SRRM4: variants seen among roughly 807,000 people sequenced by gnomAD.
SRRM4 encodes serine/arginine repetitive matrix protein 4.
In SRRM4, 33 loss-of-function variants were observed where a neutral mutation model predicts 68.9. The ratio of observed to expected loss-of-function variants is 0.48; its 90% CI spans 0.36 to 0.64. The LOEUF (loss-of-function observed/expected upper bound fraction) is 0.64, where lower values mean the gene tolerates loss of function less well. Among genes scored for constraint, SRRM4 ranks in the 30% least tolerant of loss-of-function variants. SRRM4 has a pLI of 0.00. For missense variants in SRRM4, 817 were observed against 827.1 expected, an observed-to-expected ratio of 0.99 and a Z score of 0.15; for synonymous variants, 318 against 318.8, an observed-to-expected ratio of 1.00 and a Z score of 0.03.
At chr12:119,007,775 C>A (rs1230305832) in intron 1 of SRRM4, among the ~76,000 whole-genome samples, 1 of 149,380 alleles carries the variant, frequency 6.7e-6, no homozygotes, top group African/African-American at 2.4e-5. Flanking sequence ...TTTAGCAGCA[C>A]TCCTCCTGTA....
At chr12:119,053,768 G>T (rs765551979) in intron 1 of SRRM4, among the ~76,000 whole-genome samples, 3 of 151,786 alleles carry the variant, frequency 2.0e-5, no homozygotes, top group Non-Finnish European at 4.4e-5. Flanking sequence ...TAATTTTGTG[G>T]GTATGTAGTA....
chr12:119,144,300 C>T (rs971554383), intron 8 of SRRM4, among the ~76,000 whole-genome samples: 1 of 152,152 alleles, frequency 6.6e-6, no homozygotes, highest in Non-Finnish European at 1.5e-5. Context: ...TTTCCTGCTC[C>T]AACTTGGGCC....
chr12:119,072,598 A>G (rs1260378943), intron 1 of SRRM4, among the ~76,000 whole-genome samples: 1 of 148,334 alleles, frequency 6.7e-6, no homozygotes, highest in Non-Finnish European at 1.5e-5. Context: ...TAATCAGTCC[A>G]TTACGCAGGG....
intron 1 of SRRM4, among the ~76,000 whole-genome samples, chr12:119,046,191 A>G (rs1409035572): frequency 1.3e-5 from 2 of 152,208 alleles, no homozygotes; most frequent in Non-Finnish European, 2.9e-5. Flanking sequence ...GGGACTGAGC[A>G]GAGTGAAGGG....
chr12:119,044,588 C>A (rs1203290278), intron 1 of SRRM4, among the ~76,000 whole-genome samples: 1 of 152,078 alleles, frequency 6.6e-6, no homozygotes, highest in Non-Finnish European at 1.5e-5. Flanking sequence ...GCTTTAGACC[C>A]AAACAGACCC....
intron 8 of SRRM4, chr12:119,132,856 T>C (rs1175631277): frequency 6.6e-6 from 1 of 152,210 alleles, no homozygotes; most frequent in Non-Finnish European, 1.5e-5. Context: ...GGCAGAGTTA[T>C]TTAAAAACAT....
chr12:118,986,851 C>T (rs1044253824), intron 1 of SRRM4, among the ~76,000 whole-genome samples: 1 of 151,980 alleles, frequency 6.6e-6, no homozygotes, highest in African/African-American at 2.4e-5. Context: ...GGTCACATGC[C>T]TTCTTCTCCA....
chr12:119,104,824 AT>A (rs1202572845), intron 2 of SRRM4, among the ~76,000 whole-genome samples: 5 of 150,798 alleles, frequency 3.3e-5, no homozygotes, highest in African/African-American at 1.2e-4. Flanking sequence ...TTTTTTTTTA[AT>A]TTTTTTTGTT....
intron 1 of SRRM4, among the ~76,000 whole-genome samples, chr12:119,003,911 A>G (rs1290183967): frequency 6.6e-6 from 1 of 152,080 alleles, no homozygotes; most frequent in East Asian, 2.0e-4. Flanking sequence ...AGAGATGATC[A>G]GAATATGCAG....
intron 1 of SRRM4, among the ~76,000 whole-genome samples, chr12:119,067,171 T>C (rs1953851321): frequency 6.6e-6 from 1 of 151,584 alleles, no homozygotes; most frequent in Admixed American, 6.6e-5. Flanking sequence ...TGGATAGTCA[T>C]GCACTTTGTA....
At chr12:119,073,135 G>A (rs1157103433) in intron 1 of SRRM4, among the ~76,000 whole-genome samples, 1 of 152,082 alleles carries the variant, frequency 6.6e-6, no homozygotes, top group Non-Finnish European at 1.5e-5. Flanking sequence ...ATTGAGTCTG[G>A]GAACTAGATT....
chr12:119,103,678 G>C (rs532961386), intron 2 of SRRM4, among the ~76,000 whole-genome samples: 1 of 152,336 alleles, frequency 6.6e-6, no homozygotes, highest in East Asian at 1.9e-4. Flanking sequence ...GAGATAAAGA[G>C]AGAAGTGAGA....
At chr12:119,136,101 G>A (rs10774487) in intron 8 of SRRM4, among the ~76,000 whole-genome samples, 1 of 151,994 alleles carries the variant, frequency 6.6e-6, no homozygotes, top group East Asian at 1.9e-4. Flanking sequence ...TGTCATCATA[G>A]CAGCTTTACT....
chr12:119,005,413 G>T (rs1953410015), intron 1 of SRRM4, among the ~76,000 whole-genome samples: 1 of 152,194 alleles, frequency 6.6e-6, no homozygotes, highest in South Asian at 2.1e-4. Flanking sequence ...TGACACCTGG[G>T]CCCCACCTCC....
At chr12:119,014,295 A>C (rs1363986777) in intron 1 of SRRM4, among the ~76,000 whole-genome samples, 1 of 152,056 alleles carries the variant, frequency 6.6e-6, no homozygotes, top group East Asian at 1.9e-4. Context: ...GTTTCCGATG[A>C]GTACAGAGAT....
intron 1 of SRRM4, among the ~76,000 whole-genome samples, chr12:119,025,580 G>A (rs1263110918): frequency 6.6e-6 from 1 of 152,130 alleles, no homozygotes; most frequent in African/African-American, 2.4e-5. Flanking sequence ...GAGTAGCTGG[G>A]ATTACAGGCA....
Position 119,156,482 on chromosome 12 carries a change from C to A in SRRM4, c.1533-13C>A. ...GGGCCGGCCCTCATCCCTCCTCTCT[C>A]TGGTCTCTGCAGTGCCCGGAAACGC... On this transcript the variant is annotated splice_polypyrimidine_tract_variant and intron_variant, in intron 12 of 12. Coordinates refer to ENST00000267260, the MANE Select transcript of SRRM4 (RefSeq NM_194286.4). The A allele has an allele frequency of 1.3e-6, 2 of 1,583,038 alleles. No homozygotes were observed. The highest frequency in any genetic ancestry group is 1.7e-6 in the Non-Finnish European group (2 of 1,163,472).
intron 8 of SRRM4, among the ~76,000 whole-genome samples, chr12:119,138,838 C>A (rs1473381358): frequency 6.6e-6 from 1 of 152,034 alleles, no homozygotes; most frequent in East Asian, 1.9e-4. Flanking sequence ...TCATGCCATA[C>A]CCCGAAAGTA....
At chr12:119,021,699 A>C (rs1282083328) in intron 1 of SRRM4, among the ~76,000 whole-genome samples, 6 of 152,220 alleles carry the variant, frequency 3.9e-5, no homozygotes, top group African/African-American at 9.6e-5. Context: ...TTGAAAGAGA[A>C]GAATGCTTGC....
Sources: gnomAD v4.1 joint callset for allele counts (sites outside exome capture counted in the v4.1 genomes callset) on GRCh38, gnomAD v4.1.1 for gene constraint, MANE v1.5 for transcripts, NCBI Gene and HGNC (gene_info 2026-07-23, HGNC 2026-07-21) for gene names.